Variants in CYP4B1 observed in about 807,000 individuals in gnomAD.
The protein encoded by CYP4B1 is cytochrome P450 4B1.
In CYP4B1, 45 loss-of-function variants were observed where a neutral mutation model predicts 54.0. The ratio of observed to expected loss-of-function variants is 0.83; its 90% CI spans 0.66 to 1.07. The LOEUF is 1.07. Among genes scored for constraint, CYP4B1 ranks in the 50% least tolerant of loss-of-function variants. CYP4B1 has a pLI of 0.00. For missense variants in CYP4B1, 656 were observed against 655.4 expected (o/e 1.00, Z -0.01); for synonymous variants, 248 against 247.5 (o/e 1.00, Z -0.02).
At chr1:46,802,835 C>G (rs1569856876) in intron 1 of CYP4B1, among the ~76,000 whole-genome samples, 1 of 152,258 alleles carries the variant, frequency 6.6e-6, no homozygotes, top group East Asian at 1.9e-4. Context: ...CAGGGAAGGT[C>G]CAGGGAGGTG....
chr1:46,813,935 T>C lies in CYP4B1; in HGVS notation c.647T>C (p.Val216Ala), dbSNP rs748352207. The C allele has an allele frequency of 1.5e-5, 25 of 1,614,152 alleles. No homozygotes were observed. The South Asian group carries it at 2.6e-4, about 17-fold the overall frequency. ...HSRDSSYYLAVSDLTLLMQQR... is the reference protein window; with the variant it reads ...HSRDSSYYLAASDLTLLMQQR... ...AGGGACAGCAGCTACTACCTTGCAGTCAGCGATCTCACTCTGTTGATGCAG... is the reference window on the plus strand; with the variant it reads ...AGGGACAGCAGCTACTACCTTGCAGCCAGCGATCTCACTCTGTTGATGCAG... Residue 216 changes from valine (V) to alanine (A), a missense_variant, in exon 6 of 12, where the codon GTC becomes GCC. Val to Ala is a moderately conservative substitution (Grantham distance 64, BLOSUM62 0). Coordinates refer to ENST00000371923, the MANE Select transcript of CYP4B1 (RefSeq NM_001099772.2).
In CYP4B1 at chr1:46,799,262, G is replaced by C; in HGVS notation, c.180+1G>C. ...CTGGCTTTTTGGACATGCCCTCGAGGTATGTGGAGGTCGGGAGGGTGGGGG... is the reference window on the plus strand; with the variant it reads ...CTGGCTTTTTGGACATGCCCTCGAGCTATGTGGAGGTCGGGAGGGTGGGGG... On this transcript the variant is annotated splice_donor_variant, in intron 1 of 11. Transcript: ENST00000371923. LOFTEE classifies it high-confidence loss of function. The C allele has an allele frequency of 6.3e-7, 1 of 1,582,728 alleles. No individual in the cohort carries two copies. The highest frequency in any genetic ancestry group is 1.2e-5 in the South Asian group (1 of 86,848).
At chr1:46,800,458 G>T (rs573880161) in intron 1 of CYP4B1, among the ~76,000 whole-genome samples, 5 of 151,826 alleles carry the variant, frequency 3.3e-5, no homozygotes, top group African/African-American at 1.2e-4. Flanking sequence ...AGCCTCCCAA[G>T]TAGCTGGGAC....
chr1:46,801,974 C>A (rs1678678907), intron 1 of CYP4B1, among the ~76,000 whole-genome samples: 1 of 152,184 alleles, frequency 6.6e-6, no homozygotes, highest in Non-Finnish European at 1.5e-5. Flanking sequence ...CCTTCTTGGT[C>A]TCTGATTACA....
intron 1 of CYP4B1, among the ~76,000 whole-genome samples, chr1:46,805,375 T>C (rs1678818393): frequency 6.6e-6 from 1 of 152,266 alleles, no homozygotes; most frequent in South Asian, 2.1e-4. Flanking sequence ...GTTGTGTGAC[T>C]TTGGGCAAAG....
Position 46,812,615 on chromosome 1 carries a change from A to T in CYP4B1, c.487A>T (p.Ile163Phe). Reference sequence around the variant, plus strand: ...GGCCGTGTTCACTGAGTCTACACGTATCATGCTGGTGAGCTCCCTGTGCCA... The same window carrying T: ...GGCCGTGTTCACTGAGTCTACACGTTTCATGCTGGTGAGCTCCCTGTGCCA... ...YVAVFTESTR[I>F]MLDKWEEKAR... The change falls in exon 4 of 12, where the codon ATC becomes TTC. Residue 163 changes from isoleucine (I) to phenylalanine (F), a missense_variant. Transcript: ENST00000371923. 1 of 1,613,844 alleles carries T rather than the reference A, an allele frequency of 6.2e-7. No individual in the cohort carries two copies. The highest frequency in any genetic ancestry group is 8.5e-7 in the Non-Finnish European group (1 of 1,179,814).
intron 4 of CYP4B1, 145 bp downstream of exon 4, chr1:46,812,768 G>GGGCTTTGGCACTGCTGT: frequency 4.3e-6 from 4 of 930,536 alleles, no homozygotes; most frequent in Non-Finnish European, 6.5e-6. Flanking sequence ...TGCAACAGCA[G>GGGCTTTGGCACTGCTGT]TGCCAAAGCC....
At chr1:46,801,059 C>G (rs545499484) in intron 1 of CYP4B1, among the ~76,000 whole-genome samples, 12 of 152,342 alleles carry the variant, frequency 7.9e-5, no homozygotes, top group African/African-American at 2.9e-4. Flanking sequence ...GAGATCTGAT[C>G]TGATTCATCC....
At chr1:46,817,867 C>G in intron 9 of CYP4B1, 98 bp from the exon 10 acceptor site, 1 of 1,007,640 alleles carries the variant, frequency 9.9e-7, no homozygotes. Context: ...CAGGAGCTGG[C>G]ACCCCAGTTA....
At position 46,813,804 on chromosome 1, in the gene CYP4B1, G is replaced by A. The variant is rs56392063; in HGVS notation, c.621-105G>A. 2.5e-5 allele frequency: 37 copies of A among 1,476,672 alleles called. 1 individual carries two copies. In the East Asian group the frequency reaches 8.4e-4, roughly 34 times the overall value. 91.5% of individuals were successfully genotyped at this position (1,476,672 alleles called of 1,614,324 possible). A position where few individuals can be genotyped will look rare whatever the true frequency, so the allele number is the denominator to read the frequency against. On this transcript the variant is annotated intron_variant, in intron 5 of 11. Transcript: ENST00000371923. ...GGAGGCTTAAGGGCAGGGAGAAGAA[G>A]AGCAGGATGCTCTGTGGTTGGGGCT...
rs762025915 is a variant in CYP4B1, at chr1:46,814,228, G to C, written c.795G>C (p.Arg265=). The change falls in exon 7 of 12, where the codon CGG becomes CGC. Residue 265 remains arginine (R), a synonymous_variant. Transcript: ENST00000371923. Reference sequence around the variant, plus strand: ...GTTCAGACCAGGTCATCAGGGAGCGGAAGGCAGCCCTGCAGGATGAGAAGG... The same window carrying C: ...GTTCAGACCAGGTCATCAGGGAGCGCAAGGCAGCCCTGCAGGATGAGAAGG... The part of the protein sequence containing the change: ...HDHTDQVIRE[R]KAALQDEKVR... 1.1e-5 allele frequency: 17 copies of C among 1,614,168 alleles called. No individual in the cohort carries two copies. Among genetic ancestry groups the C allele is most frequent in the African/African-American group, 1.3e-5 (1 of 75,040 alleles).
At chr1:46,814,444 TC>T in intron 7 of CYP4B1, 129 bp downstream of exon 7, 1 of 708,786 alleles carries the variant, frequency 1.4e-6, no homozygotes, top group Non-Finnish European at 2.4e-6. Context: ...CTGTTCCTCG[TC>T]CCATGAAACA....
At chr1:46,814,832 C>G (rs1489696221) in intron 7 of CYP4B1, 1 of 543,274 alleles carries the variant, frequency 1.8e-6, no homozygotes, top group Non-Finnish European at 3.3e-6. Flanking sequence ...GCAGAACAGT[C>G]AGGGCTGGAC....
rs574357929 is a variant in CYP4B1, at chr1:46,804,968, G to T, written c.180+5707G>T. On this transcript the variant is annotated intron_variant, in intron 1 of 11. Transcript: ENST00000371923. ...ATCACTACATGAAATTGTATTCTTG[G>T]TGTATTTGATTCTTTTTATTTTCTT... Among the ~76,000 whole-genome samples the T allele has an allele frequency of 7.2e-5, 11 of 152,198 alleles. No homozygotes were observed. The South Asian group carries it at 2.3e-3, about 32-fold the overall frequency.
chr1:46,807,052 G>T (rs1342375450), intron 1 of CYP4B1, among the ~76,000 whole-genome samples: 1 of 152,210 alleles, frequency 6.6e-6, no homozygotes, highest in African/African-American at 2.4e-5. Context: ...CAGGTGCCTG[G>T]CAGGTGCTTC....
At chr1:46,814,437 T>G in intron 7 of CYP4B1, 122 bp downstream of exon 7, 3 of 712,576 alleles carry the variant, frequency 4.2e-6, no homozygotes, top group Non-Finnish European at 4.8e-6. Flanking sequence ...ATATAACCTG[T>G]TCCTCGTCCC....
intron 3 of CYP4B1, among the ~76,000 whole-genome samples, chr1:46,811,811 A>G (rs1679111558): frequency 6.6e-6 from 1 of 152,122 alleles, no homozygotes; most frequent in South Asian, 2.1e-4. Context: ...TCATGATCCT[A>G]TGGTGTCTTC....
At chr1:46,815,727 T>C (rs1679309360) in intron 8 of CYP4B1, among the ~76,000 whole-genome samples, 1 of 152,174 alleles carries the variant, frequency 6.6e-6, no homozygotes, top group African/African-American at 2.4e-5. Context: ...GAGAAAAGAC[T>C]TCCCCAAACT....
At position 46,818,217 on chromosome 1, in the gene CYP4B1, T is replaced by G. The variant is rs778420761; in HGVS notation, c.1355+4T>G. The G allele has an allele frequency of 6.2e-7, 1 of 1,613,506 alleles. No homozygotes were observed. Among genetic ancestry groups the G allele is most frequent in the Non-Finnish European group, 8.5e-7 (1 of 1,179,528 alleles). ...TGCCCTTCTCTGCTGGGCCCAGGTA[T>G]GGAGAGACCCAGTATCCCAGGCCCT... On this transcript the variant is annotated splice_donor_region_variant and intron_variant, in intron 11 of 11. Transcript: ENST00000371923.
Sources: allele counts gnomAD v4.1 joint callset (sites outside exome capture counted in the v4.1 genomes callset), GRCh38; gene constraint gnomAD v4.1.1; transcripts MANE v1.5; gene names NCBI Gene and HGNC (gene_info 2026-07-23, HGNC 2026-07-21).